LRRC55: variants seen among roughly 807,000 people sequenced by gnomAD.
LRRC55 encodes the protein leucine-rich repeat-containing protein 55.
A neutral mutation model predicts 20.5 loss-of-function variants in LRRC55; 11 were observed. That is an observed-to-expected ratio of 0.54 (90% CI 0.34 to 0.89). The LOEUF is 0.89. Among genes scored for constraint, LRRC55 ranks in the 40% least tolerant of loss-of-function variants. The pLI is 0.02. For synonymous variants in LRRC55, 188 were observed against 166.6 expected (o/e 1.13, Z -0.99); for missense variants, 358 against 390.9 (o/e 0.92, Z 0.71).
At position 57,191,546 on chromosome 11, in the gene LRRC55, G is replaced by A. The variant is rs1854511041; in HGVS notation, c.*4066G>A. Reference sequence around the variant, plus strand: ...TCCACAGAGCTCTCAGTTTTTCTAAGCACTGTCCTGTAATGTGCTAATGTC... The same window carrying A: ...TCCACAGAGCTCTCAGTTTTTCTAAACACTGTCCTGTAATGTGCTAATGTC... On this transcript the variant is annotated 3_prime_UTR_variant, in exon 2 of 2. Transcript: ENST00000497933. The A allele has an allele frequency of 8.1e-6, 1 of 123,100 alleles. No individual in the cohort carries two copies. Among genetic ancestry groups the A allele is most frequent in the African/African-American group, 3.1e-5 (1 of 32,628 alleles). 7.6% of individuals were successfully genotyped at this position (123,100 alleles called of 1,614,324 possible).
At position 57,187,346 on chromosome 11, in the gene LRRC55, C is replaced by G. The variant is rs752076042; in HGVS notation, c.763C>G (p.Leu255Val). 1.2e-6 allele frequency: 2 copies of G among 1,614,216 alleles called. No homozygotes were observed. The highest frequency in any genetic ancestry group is 2.7e-5 in the African/African-American group (2 of 75,056). The change falls in exon 2 of 2, where the codon CTG becomes GTG. Residue 255 changes from leucine (L) to valine (V), a missense_variant. This residue lies in a region of LRRC55 where 178 missense variants were observed against 207.9 expected (regional missense o/e 0.86). Coordinates refer to ENST00000497933, the MANE Select transcript of LRRC55 (RefSeq NM_001005210.4). The stretch of plus-strand genomic sequence containing the variant: ...CAAGGCCTGCCACCTGACCCTGACC[C>G]TGGATGATTACCTATTCATTGCGTT... ...SFKACHLTLT[L>V]DDYLFIAFVG...
chr11:57,186,168 G>A (rs1854429093), intron 1 of LRRC55, among the ~76,000 whole-genome samples: 1 of 152,108 alleles, frequency 6.6e-6, no homozygotes, highest in Admixed American at 6.6e-5. Flanking sequence ...ACTAGCAAGG[G>A]GTGAAGAGGG....
Position 57,191,079 on chromosome 11 carries a change from C to T in LRRC55, c.*3599C>T, listed in dbSNP as rs1227029803. ...GAAAATTCCTTTTTAGAAGAGCCCT[C>T]ATATCTGAATCACATCACTTTGGGC... On this transcript the variant is annotated 3_prime_UTR_variant, in exon 2 of 2. Coordinates refer to ENST00000497933, the MANE Select transcript of LRRC55 (RefSeq NM_001005210.4). 6.6e-6 allele frequency: 1 copy of T among 152,174 alleles called. No homozygotes were observed. Among genetic ancestry groups the T allele is most frequent in the Non-Finnish European group, 1.5e-5 (1 of 68,042 alleles). The allele number at this position is 152,174 out of a possible 1,614,324, so 9.4% of individuals were successfully genotyped here. A position where few individuals can be genotyped will look rare whatever the true frequency, so the allele number is the denominator to read the frequency against.
chr11:57,187,863 A>G lies in LRRC55; in HGVS notation c.*383A>G. 1.3e-5 allele frequency: 4 copies of G among 302,010 alleles called. No homozygotes were observed. Among genetic ancestry groups the G allele is most frequent in the South Asian group, 1.0e-4 (3 of 29,050 alleles). 18.7% of individuals were successfully genotyped at this position (302,010 alleles called of 1,614,324 possible). On this transcript the variant is annotated 3_prime_UTR_variant, in exon 2 of 2. Transcript: ENST00000497933. Reference sequence around the variant, plus strand: ...ATTAGAGTGATTTGTGAACTGGGTCATCAGGAAATATCTACTTTGTCAGGT... The same window carrying G: ...ATTAGAGTGATTTGTGAACTGGGTCGTCAGGAAATATCTACTTTGTCAGGT...
chr11:57,182,703 G>C lies in LRRC55; in HGVS notation c.661+20G>C. ...CAGCAGGTAATAGAGGGGCAGAACGGGGCAGTCAACAGGGAGGGCTTGCCT... is the reference window on the plus strand; with the variant it reads ...CAGCAGGTAATAGAGGGGCAGAACGCGGCAGTCAACAGGGAGGGCTTGCCT... On this transcript the variant is annotated intron_variant, in intron 1 of 1. Transcript: ENST00000497933. The C allele has an allele frequency of 6.9e-7, 1 of 1,455,448 alleles. No homozygotes were observed. The highest frequency in any genetic ancestry group is 9.1e-7 in the Non-Finnish European group (1 of 1,100,430). 90.2% of individuals were successfully genotyped at this position (1,455,448 alleles called of 1,614,324 possible). A position where few individuals can be genotyped will look rare whatever the true frequency, so the allele number is the denominator to read the frequency against.
Position 57,187,748 on chromosome 11 carries a change from G to C in LRRC55, c.*268G>C, listed in dbSNP as rs562045861. ...GAGATCCAAAAACTATTCCCTTTAA[G>C]ACTATATGTCAGGACTCTGAGCACG... On this transcript the variant is annotated 3_prime_UTR_variant, in exon 2 of 2. Transcript: ENST00000497933. 6 of 549,384 alleles carry C rather than the reference G, an allele frequency of 1.1e-5. No homozygotes were observed. The Admixed American group carries it at 1.7e-4, about 15-fold the overall frequency. The allele number at this position is 549,384 out of a possible 1,614,324, so 34.0% of individuals were successfully genotyped here.
In LRRC55 at chr11:57,181,986, G is replaced by T; in HGVS notation, c.-37G>T. Reference sequence around the variant, plus strand: ...TCGATTCCATGGACACAGTCCTCATGGGCTCCCTCCAGCACTGCTGTTGCC... The same window carrying T: ...TCGATTCCATGGACACAGTCCTCATTGGCTCCCTCCAGCACTGCTGTTGCC... On this transcript the variant is annotated 5_prime_UTR_variant, in exon 1 of 2. The change abolishes an upstream ATG in the 5' untranslated region. Transcript: ENST00000497933. The T allele has an allele frequency of 3.1e-6, 5 of 1,614,124 alleles. No individual in the cohort carries two copies. Among genetic ancestry groups the T allele is most frequent in the Non-Finnish European group, 4.2e-6 (5 of 1,180,026 alleles).
chr11:57,187,590 T>C lies in LRRC55; in HGVS notation c.*110T>C. 1 of 1,055,350 alleles carries C rather than the reference T, an allele frequency of 9.5e-7. No homozygotes were observed. Among genetic ancestry groups the C allele is most frequent in the Non-Finnish European group, 1.4e-6 (1 of 711,038 alleles). The allele number at this position is 1,055,350 out of a possible 1,614,324, so 65.4% of individuals were successfully genotyped here. A position where few individuals can be genotyped will look rare whatever the true frequency, so the allele number is the denominator to read the frequency against. ...CATGGTGACCTGGCTGCCTCAGTCA[T>C]GGTTCAAGCAAGGTGGGGACACTCA... On this transcript the variant is annotated 3_prime_UTR_variant, in exon 2 of 2. Coordinates refer to ENST00000497933, the MANE Select transcript of LRRC55 (RefSeq NM_001005210.4).
intron 1 of LRRC55, among the ~76,000 whole-genome samples, chr11:57,184,484 C>T (rs1449709048): frequency 6.6e-6 from 1 of 152,222 alleles, no homozygotes; most frequent in East Asian, 1.9e-4. Context: ...AGGAAGCAAG[C>T]AGTCCCAGCT....
At chr11:57,183,654 T>A (rs578186197) in intron 1 of LRRC55, among the ~76,000 whole-genome samples, 1 of 152,196 alleles carries the variant, frequency 6.6e-6, no homozygotes. Flanking sequence ...CTCCAAGACC[T>A]GGATCTCAGC....
At position 57,187,325 on chromosome 11, in the gene LRRC55, G is replaced by C. The variant is rs760423402; in HGVS notation, c.742G>C (p.Ala248Pro). ...CTCACTCACTGAGGAGAGCTTCAAG[G>C]CCTGCCACCTGACCCTGACCCTGGA... is the stretch of plus-strand genomic sequence containing the variant. ...LFSLTEESFKACHLTLTLDDY... is the reference protein window; with the variant it reads ...LFSLTEESFKPCHLTLTLDDY... Residue 248 changes from alanine (A) to proline (P), a missense_variant, in exon 2 of 2, where the codon GCC becomes CCC. This residue lies in a region of LRRC55 where 178 missense variants were observed against 207.9 expected (regional missense o/e 0.86). Coordinates refer to ENST00000497933, the MANE Select transcript of LRRC55 (RefSeq NM_001005210.4). 3.1e-6 allele frequency: 5 copies of C among 1,614,024 alleles called. No homozygotes were observed. The East Asian group carries it at 6.7e-5, about 22-fold the overall frequency.
In LRRC55 at chr11:57,182,170, G is replaced by A. The variant is rs758123914; in HGVS notation, c.148G>A (p.Asp50Asn). 6.2e-6 allele frequency: 10 copies of A among 1,614,086 alleles called. No individual in the cohort carries two copies. The East Asian group carries it at 2.2e-4, about 36-fold the overall frequency. ...VLCTCRNQVV[D>N]CSSQRLFSVP... ...TTGCACATGCCGTAACCAGGTGGTGGATTGTAGCAGCCAGCGGCTATTCTC... is the reference window on the plus strand; with the variant it reads ...TTGCACATGCCGTAACCAGGTGGTGAATTGTAGCAGCCAGCGGCTATTCTC... The change falls in exon 1 of 2, where the codon GAT becomes AAT. Residue 50 changes from aspartate (D) to asparagine (N), a missense_variant. Physicochemically the swap from Asp to Asn is conservative, Grantham distance 23. Around this residue, in one of 3 missense-constraint regions of LRRC55, gnomAD observed 175 missense variants for 164.5 expected, o/e 1.06. Transcript: ENST00000497933.
chr11:57,187,605 G>T lies in LRRC55; in HGVS notation c.*125G>T. The T allele has an allele frequency of 5.6e-6, 5 of 896,238 alleles. No homozygotes were observed. The highest frequency in any genetic ancestry group is 1.5e-5 in the South Asian group (1 of 68,328). 55.5% of individuals were successfully genotyped at this position (896,238 alleles called of 1,614,324 possible). ...GCCTCAGTCATGGTTCAAGCAAGGT[G>T]GGGACACTCATTTTGTATGAGCATC... On this transcript the variant is annotated 3_prime_UTR_variant, in exon 2 of 2. Coordinates refer to ENST00000497933, the MANE Select transcript of LRRC55 (RefSeq NM_001005210.4).
intron 1 of LRRC55, among the ~76,000 whole-genome samples, chr11:57,184,791 C>T (rs971177154): frequency 1.3e-5 from 2 of 152,228 alleles, no homozygotes; most frequent in African/African-American, 4.8e-5. Context: ...CACGTTCCCA[C>T]CCTGCATCCT....
chr11:57,183,812 T>G (rs1854394623), intron 1 of LRRC55, among the ~76,000 whole-genome samples: 1 of 152,082 alleles, frequency 6.6e-6, no homozygotes, highest in African/African-American at 2.4e-5. Flanking sequence ...GAAGCCCAAA[T>G]CACATAGGTT....
chr11:57,185,675 G>A (rs999789112), intron 1 of LRRC55, among the ~76,000 whole-genome samples: 2 of 152,144 alleles, frequency 1.3e-5, no homozygotes, highest in African/African-American at 4.8e-5. Context: ...CAAGGTAAGA[G>A]CTTGATTAAT....
Position 57,182,185 on chromosome 11 carries a change from C to G in LRRC55, c.163C>G (p.Arg55Gly), listed in dbSNP as rs1227734456. 1.2e-6 allele frequency: 2 copies of G among 1,614,166 alleles called. No individual in the cohort carries two copies. Among genetic ancestry groups the G allele is most frequent in the East Asian group, 2.2e-5 (1 of 44,868 alleles). Residue 55 changes from arginine (R) to glycine (G), a missense_variant, in exon 1 of 2, where the codon CGG (arginine) becomes GGG (glycine). Arg to Gly is a moderately radical substitution (Grantham distance 125). This residue lies in a region of LRRC55 where 175 missense variants were observed against 164.5 expected (regional missense o/e 1.06). Coordinates refer to ENST00000497933, the MANE Select transcript of LRRC55 (RefSeq NM_001005210.4). ...RNQVVDCSSQRLFSVPPDLPM... is the reference protein window; with the variant it reads ...RNQVVDCSSQGLFSVPPDLPM... ...CCAGGTGGTGGATTGTAGCAGCCAG[C>G]GGCTATTCTCCGTGCCCCCAGACCT...
At chr11:57,186,528 C>T (rs1854433273) in intron 1 of LRRC55, among the ~76,000 whole-genome samples, 1 of 152,066 alleles carries the variant, frequency 6.6e-6, no homozygotes, top group Admixed American at 6.6e-5. Flanking sequence ...AAGGAAAGGC[C>T]TCACTAATAA....
chr11:57,185,336 A>AGTG (rs1854418391), intron 1 of LRRC55, among the ~76,000 whole-genome samples: 1 of 117,870 alleles, frequency 8.5e-6, no homozygotes. Flanking sequence ...GCTGAAGTGC[A>AGTG]GTGGTGCAAT....
Sources: gnomAD v4.1 joint callset for allele counts (sites outside exome capture counted in the v4.1 genomes callset) on GRCh38, gnomAD v4.1.1 for gene constraint, gnomAD v4.1.1 regional missense constraint, MANE v1.5 for transcripts, NCBI Gene and HGNC (gene_info 2026-07-23, HGNC 2026-07-21) for gene names.